The following PIP5K1B variants were observed in gnomAD, a reference collection of about 807,000 sequenced individuals.
PIP5K1B encodes phosphatidylinositol-4-phosphate 5-kinase type 1 beta.
A neutral mutation model predicts 67.0 loss-of-function variants in PIP5K1B; 42 were observed. The ratio of observed to expected loss-of-function variants is 0.63; its 90% CI spans 0.49 to 0.81. The LOEUF is 0.81. Among genes scored for constraint, PIP5K1B ranks in the 30% least tolerant of loss-of-function variants. PIP5K1B has a pLI of 0.00. For synonymous variants in PIP5K1B, 214 were observed against 231.4 expected (o/e 0.92, Z 0.68); for missense variants, 459 against 646.3 (o/e 0.71, Z 3.14).
chr9:68,794,511 T>A (rs916955511), intron 2 of PIP5K1B, among the ~76,000 whole-genome samples: 8 of 152,308 alleles, frequency 5.3e-5, no homozygotes, highest in African/African-American at 1.9e-4. Flanking sequence ...CTAAGGGCTT[T>A]ACTGACTTAC....
intron 1 of PIP5K1B, chr9:68,708,069 C>G (rs979583186): frequency 4.6e-5 from 7 of 152,186 alleles, no homozygotes; most frequent in Non-Finnish European, 1.0e-4. Context: ...TCCCTTCCCC[C>G]CTTTACTACA....
At chr9:68,881,408 C>T (rs765496825) in intron 6 of PIP5K1B, among the ~76,000 whole-genome samples, 6 of 152,152 alleles carry the variant, frequency 3.9e-5, no homozygotes, top group Non-Finnish European at 8.8e-5. Context: ...GATACAGTGC[C>T]AATCACAAAG....
rs76613616 is a variant in PIP5K1B, at chr9:68,875,365, G to A, written c.201-1312G>A. On this transcript the variant is annotated intron_variant, in intron 5 of 15. Transcript: ENST00000265382. The stretch of plus-strand genomic sequence containing the variant: ...TCGTGCAGGAGGAAAAACTAGTTGC[G>A]TTGGTTATATTGAATAGATACTTCC... Among the ~76,000 whole-genome samples, 165 of 146,684 alleles carry A rather than the reference G, an allele frequency of 1.1e-3. 2 individuals are homozygous for A. In the East Asian group the frequency reaches 0.022, roughly 20 times the overall value.
At chr9:68,783,130 G>A (rs968424813) in intron 2 of PIP5K1B, 7 of 166,760 alleles carry the variant, frequency 4.2e-5, no homozygotes, top group African/African-American at 1.2e-4. Context: ...GATATTTTTC[G>A]CCCTCTTGCT....
At chr9:68,718,378 C>A (rs182211045) in intron 1 of PIP5K1B, among the ~76,000 whole-genome samples, 1 of 152,052 alleles carries the variant, frequency 6.6e-6, no homozygotes, top group Non-Finnish European at 1.5e-5. Context: ...TTAGTAAGAA[C>A]CTAAATACTG....
Position 68,928,202 on chromosome 9 carries a change from T to C in PIP5K1B, c.1201+4816T>C, listed in dbSNP as rs79510795. ...AGTACCATACTATCCTCATTACTTC[T>C]GGTTTGTATTGTTAAGTTTCATAAT... On this transcript the variant is annotated intron_variant, in intron 12 of 15. Coordinates refer to ENST00000265382, the MANE Select transcript of PIP5K1B (RefSeq NM_003558.4). Among the ~76,000 whole-genome samples, 192 of 152,320 alleles carry C rather than the reference T, an allele frequency of 1.3e-3. 2 individuals are homozygous for C. In the East Asian group the frequency reaches 0.033, roughly 26 times the overall value.
intron 15 of PIP5K1B, among the ~76,000 whole-genome samples, chr9:69,006,519 G>A (rs1224909554): frequency 6.6e-6 from 1 of 152,134 alleles, no homozygotes; most frequent in East Asian, 1.9e-4. Context: ...CAGCAATACC[G>A]GGACTAAACT....
intron 14 of PIP5K1B, among the ~76,000 whole-genome samples, chr9:68,983,722 G>T (rs1829986301): frequency 6.6e-6 from 1 of 152,132 alleles, no homozygotes; most frequent in African/African-American, 2.4e-5. Flanking sequence ...TGCAAATTGT[G>T]TGCAATTAGC....
intron 2 of PIP5K1B, among the ~76,000 whole-genome samples, chr9:68,772,933 A>T (rs1198233688): frequency 6.6e-6 from 1 of 152,184 alleles, no homozygotes; most frequent in Non-Finnish European, 1.5e-5. Flanking sequence ...AAGGCCTTTT[A>T]TGGACACCAT....
At chr9:68,870,438 T>C (rs772831423) in intron 5 of PIP5K1B, among the ~76,000 whole-genome samples, 22 of 152,196 alleles carry the variant, frequency 1.4e-4, no homozygotes, top group Non-Finnish European at 2.8e-4. Context: ...TTTTGCTTTG[T>C]TTTGTTTTTC....
intron 2 of PIP5K1B, among the ~76,000 whole-genome samples, chr9:68,809,421 T>C (rs1347231353): frequency 6.6e-6 from 1 of 152,216 alleles, no homozygotes; most frequent in African/African-American, 2.4e-5. Flanking sequence ...GACGTTTTCC[T>C]AAGAATAGCT....
chr9:68,902,667 A>AT (rs1825422543), intron 8 of PIP5K1B, among the ~76,000 whole-genome samples: 1 of 152,152 alleles, frequency 6.6e-6, no homozygotes, highest in Non-Finnish European at 1.5e-5. Flanking sequence ...TGCGTGTTGA[A>AT]TTTTTTAAGA....
At chr9:68,867,729 C>A (rs1823431740) in intron 5 of PIP5K1B, among the ~76,000 whole-genome samples, 1 of 152,024 alleles carries the variant, frequency 6.6e-6, no homozygotes, top group South Asian at 2.1e-4. Flanking sequence ...TCAAATAATG[C>A]TTTCTCTCTA....
chr9:68,827,169 A>G (rs1008736882), intron 4 of PIP5K1B, among the ~76,000 whole-genome samples: 1 of 152,204 alleles, frequency 6.6e-6, no homozygotes, highest in Admixed American at 6.5e-5. Flanking sequence ...TGTTGGCATT[A>G]CAGGAGAGGC....
At position 68,921,312 on chromosome 9, in the gene PIP5K1B, T is replaced by TA. The variant is rs879631642; in HGVS notation, c.1116+1594dup. On this transcript the variant is annotated intron_variant, in intron 11 of 15. Coordinates refer to ENST00000265382, the MANE Select transcript of PIP5K1B (RefSeq NM_003558.4). ...TGTCTCTAAAAGAAAATTTTTTAAT[T>TA]AAAAAAAAAAAGAATTAACCTCAAT... 2.7e-4 allele frequency among the ~76,000 whole-genome samples: 39 copies of TA among 144,568 alleles called. No individual in the cohort carries two copies. In the East Asian group the frequency reaches 5.0e-3, roughly 19 times the overall value. The allele number at this position is 144,568 out of a possible 152,430, so 94.8% of individuals were successfully genotyped here. A position where few individuals can be genotyped will look rare whatever the true frequency, so the allele number is the denominator to read the frequency against.
chr9:68,721,699 C>T (rs932015604), intron 1 of PIP5K1B, among the ~76,000 whole-genome samples: 16 of 152,052 alleles, frequency 1.1e-4, no homozygotes, highest in African/African-American at 3.9e-4. Flanking sequence ...GATTGAGATA[C>T]AGGACATGAA....
intron 2 of PIP5K1B, among the ~76,000 whole-genome samples, chr9:68,767,888 T>C (rs1830508510): frequency 6.6e-6 from 1 of 152,134 alleles, no homozygotes; most frequent in Non-Finnish European, 1.5e-5. Context: ...CTAAATTATA[T>C]GCCACTAAAA....
intron 14 of PIP5K1B, among the ~76,000 whole-genome samples, chr9:68,981,532 G>A (rs1041971096): frequency 6.6e-6 from 1 of 152,214 alleles, no homozygotes; most frequent in African/African-American, 2.4e-5. Context: ...TCTGTGTTGT[G>A]TGCTTTATTA....
chr9:68,807,933 C>T (rs372349037), intron 2 of PIP5K1B, among the ~76,000 whole-genome samples: 1 of 152,192 alleles, frequency 6.6e-6, no homozygotes, highest in Non-Finnish European at 1.5e-5. Flanking sequence ...CACAGTGGCT[C>T]ACACCTGTAA....
Sources: gnomAD v4.1 joint callset for allele counts (sites outside exome capture counted in the v4.1 genomes callset) on GRCh38, gnomAD v4.1.1 for gene constraint, MANE v1.5 for transcripts, NCBI Gene and HGNC (gene_info 2026-07-23, HGNC 2026-07-21) for gene names.